KITLG: variants seen among roughly 807,000 people sequenced by gnomAD.
The protein encoded by KITLG is KIT ligand, also known as c-Kit ligand.
Under a neutral mutation model 34.1 loss-of-function variants are expected in KITLG, and 13 were observed. The observed-to-expected ratio is 0.38, with a 90% CI of 0.25 to 0.61. The LOEUF (loss-of-function observed/expected upper bound fraction) is 0.61, where lower values mean the gene tolerates loss of function less well. Ranked by LOEUF, KITLG falls within the 20% of genes least tolerant of loss-of-function variation. KITLG has a pLI of 0.60. For missense variants in KITLG, 292 were observed against 318.9 expected, an observed-to-expected ratio of 0.92 and a Z score of 0.64; for synonymous variants, 110 against 104.0, an observed-to-expected ratio of 1.06 and a Z score of -0.35.
intron 1 of KITLG, among the ~76,000 whole-genome samples, chr12:88,562,241 G>T (rs747985292): frequency 1.3e-5 from 2 of 152,110 alleles, no homozygotes; most frequent in African/African-American, 2.4e-5. Context: ...TCTTTTATAT[G>T]GTACAGACCA....
At chr12:88,500,479 A>T (rs1214568284) in intron 9 of KITLG, among the ~76,000 whole-genome samples, 1 of 152,212 alleles carries the variant, frequency 6.6e-6, no homozygotes, top group Non-Finnish European at 1.5e-5. Context: ...CAATTTGAGG[A>T]CACAACAAAG....
chr12:88,499,859 A>C (rs1327037024), intron 9 of KITLG, among the ~76,000 whole-genome samples: 1 of 152,064 alleles, frequency 6.6e-6, no homozygotes, highest in Non-Finnish European at 1.5e-5. Context: ...TCTCTCTCAC[A>C]TCTTATTTAA....
At chr12:88,511,018 G>C (rs1476881320) in intron 6 of KITLG, among the ~76,000 whole-genome samples, 2 of 152,092 alleles carry the variant, frequency 1.3e-5, no homozygotes, top group African/African-American at 4.8e-5. Flanking sequence ...GCATATTCAT[G>C]AGTGACATCA....
chr12:88,536,169 A>G (rs547105616), intron 2 of KITLG, among the ~76,000 whole-genome samples: 10 of 152,320 alleles, frequency 6.6e-5, no homozygotes, highest in Admixed American at 5.2e-4. Flanking sequence ...AAGATCTAAT[A>G]TCCAGAATCT....
intron 1 of KITLG, among the ~76,000 whole-genome samples, chr12:88,554,690 C>T (rs1871040911): frequency 6.6e-6 from 1 of 152,186 alleles, no homozygotes; most frequent in African/African-American, 2.4e-5. Flanking sequence ...CAACAGGATC[C>T]TCATTTGGTG....
chr12:88,537,067 G>T (rs1870345798), intron 2 of KITLG, among the ~76,000 whole-genome samples: 1 of 152,128 alleles, frequency 6.6e-6, no homozygotes, highest in African/African-American at 2.4e-5. Context: ...ACTGTGGAAA[G>T]AAATTTGGGG....
chr12:88,535,175 G>T (rs1870261947), intron 2 of KITLG, among the ~76,000 whole-genome samples: 1 of 152,094 alleles, frequency 6.6e-6, no homozygotes, highest in Non-Finnish European at 1.5e-5. Context: ...TCCATTTCAT[G>T]AATAATTTAT....
At chr12:88,499,707 T>A (rs1028593154) in intron 9 of KITLG, among the ~76,000 whole-genome samples, 1 of 152,194 alleles carries the variant, frequency 6.6e-6, no homozygotes, top group African/African-American at 2.4e-5. Context: ...TCCCATAGTC[T>A]CCAAATCATT....
At chr12:88,522,632 T>C (rs1869717733) in intron 3 of KITLG, among the ~76,000 whole-genome samples, 1 of 152,054 alleles carries the variant, frequency 6.6e-6, no homozygotes, top group African/African-American at 2.4e-5. Context: ...TTCACCATGT[T>C]GGCTAGGCTA....
intron 3 of KITLG, among the ~76,000 whole-genome samples, chr12:88,531,532 A>G (rs1162501887): frequency 1.3e-5 from 2 of 152,176 alleles, no homozygotes; most frequent in African/African-American, 4.8e-5. Context: ...ATACTGTGTA[A>G]TGAGAAAAAT....
At chr12:88,540,594 G>A (rs549336945) in intron 2 of KITLG, among the ~76,000 whole-genome samples, 2 of 152,172 alleles carry the variant, frequency 1.3e-5, no homozygotes, top group East Asian at 3.9e-4. Flanking sequence ...GGGGCCAGGA[G>A]TTTGAGACCA....
At chr12:88,532,540 C>A in intron 2 of KITLG, 37 bp from the exon 3 acceptor site, 1 of 1,374,822 alleles carries the variant, frequency 7.3e-7, no homozygotes, top group Non-Finnish European at 1.0e-6. Context: ...TAAGAAAATT[C>A]TTATACATCA....
chr12:88,501,888 A>T (rs2120789197), intron 9 of KITLG, among the ~76,000 whole-genome samples: 1 of 152,280 alleles, frequency 6.6e-6, no homozygotes, highest in Admixed American at 6.5e-5. Context: ...TATAAGTGAC[A>T]TTGTTTAGTG....
chr12:88,539,886 C>T (rs930636124), intron 2 of KITLG, among the ~76,000 whole-genome samples: 1 of 152,048 alleles, frequency 6.6e-6, no homozygotes, highest in African/African-American at 2.4e-5. Flanking sequence ...GATTGCACCA[C>T]TGTACCCCAG....
At chr12:88,532,277 AAG>A (rs1218814442) in intron 3 of KITLG, among the ~76,000 whole-genome samples, 162 bp downstream of exon 3, 1 of 152,044 alleles carries the variant, frequency 6.6e-6, no homozygotes, top group African/African-American at 2.4e-5. Flanking sequence ...ACAGTTGCTT[AAG>A]AGGGGGAAAA....
At chr12:88,507,158 T>C (rs1869097931) in intron 6 of KITLG, 21 bp from the exon 7 acceptor site, 1 of 1,377,154 alleles carries the variant, frequency 7.3e-7, no homozygotes, top group Non-Finnish European at 1.0e-6. Flanking sequence ...AAGAACACAC[T>C]GATGAATACA....
chr12:88,558,954 C>A (rs991683220), intron 1 of KITLG, among the ~76,000 whole-genome samples: 1 of 152,084 alleles, frequency 6.6e-6, no homozygotes, highest in African/African-American at 2.4e-5. Context: ...TAAAAGATGA[C>A]AAATTGGGTA....
At chr12:88,516,205 TA>T (rs1869448493) in intron 5 of KITLG, 128 bp downstream of exon 5, 6 of 783,718 alleles carry the variant, frequency 7.7e-6, no homozygotes, top group Non-Finnish European at 1.1e-5. Flanking sequence ...GTGCTATTGA[TA>T]TCTGCTTTTT....
chr12:88,507,070 A>G lies in KITLG; in HGVS notation c.672T>C (p.Phe224=). Residue 224 remains phenylalanine, a synonymous_variant, in exon 7 of 10, where the codon TTT becomes TTC. Coordinates refer to ENST00000644744, the MANE Select transcript of KITLG (RefSeq NM_000899.5). The part of the protein sequence containing the change: ...HWAAMALPAL[F]SLIIGFAFGA... Reference sequence around the variant, plus strand: ...CAAAAGCAAAGCCAATTATAAGAGAAAACAATGCTGGCAATGCCATGGCTG... The same window carrying G: ...CAAAAGCAAAGCCAATTATAAGAGAGAACAATGCTGGCAATGCCATGGCTG... The G allele has an allele frequency of 1.2e-6, 2 of 1,613,674 alleles. No homozygotes were observed. Among genetic ancestry groups the G allele is most frequent in the Admixed American group, 3.3e-5 (2 of 60,024 alleles).
Sources: gnomAD v4.1 joint callset for allele counts (sites outside exome capture counted in the v4.1 genomes callset) on GRCh38, gnomAD v4.1.1 for gene constraint, MANE v1.5 for transcripts, NCBI Gene and HGNC (gene_info 2026-07-23, HGNC 2026-07-21) for gene names.